The following GGPS1 variants were observed in gnomAD, a reference collection of about 807,000 sequenced individuals.
GGPS1 encodes geranylgeranyl diphosphate synthase 1.
Under a neutral mutation model 28.1 loss-of-function variants are expected in GGPS1, and 15 were observed. That is an observed-to-expected ratio of 0.53 (90% confidence interval 0.36 to 0.82). The LOEUF (loss-of-function observed/expected upper bound fraction) is 0.82, where lower values mean the gene tolerates loss of function less well. GGPS1 is among the 40% of genes least tolerant of loss of function. The probability of loss-of-function intolerance (pLI) is 0.01; values close to 1 mark genes in which losing one functional copy is unlikely to be tolerated. For synonymous variants in GGPS1, 138 were observed against 122.4 expected, an observed-to-expected ratio of 1.13 and a Z score of -0.84; for missense variants, 284 against 348.3, an observed-to-expected ratio of 0.82 and a Z score of 1.47.
At chr1:235,329,567 A>C (rs1399050956) in intron 1 of GGPS1, 1 of 152,350 alleles carries the variant, frequency 6.6e-6, no homozygotes, top group African/African-American at 2.4e-5. Flanking sequence ...AGAGAAAAGG[A>C]AAAGACATTC....
At position 235,342,693 on chromosome 1, in the gene GGPS1, T is replaced by C. The variant is rs1334981760; in HGVS notation, c.824T>C (p.Ile275Thr). Residue 275 changes from isoleucine (I) to threonine (T), a missense_variant, in exon 4 of 4, where the codon ATT (isoleucine) becomes ACT (threonine). By Grantham distance (89) the Ile-to-Thr change is moderately conservative. Coordinates refer to ENST00000282841, the MANE Select transcript of GGPS1 (RefSeq NM_004837.4). The stretch of plus-strand genomic sequence containing the variant: ...CTTGAAGCTAAAGCCTATAAACAGA[T>C]TGATGCACGTGGTGGGAACCCTGAG... ...KELEAKAYKQ[I>T]DARGGNPELV... The C allele has an allele frequency of 1.3e-5, 21 of 1,609,144 alleles. No homozygotes were observed. The highest frequency in any genetic ancestry group is 1.7e-5 in the Non-Finnish European group (20 of 1,176,042).
intron 2 of GGPS1, chr1:235,336,785 T>A (rs1306352079): frequency 1.3e-5 from 2 of 152,384 alleles, no homozygotes; most frequent in Non-Finnish European, 2.9e-5. Context: ...GTACACACCT[T>A]TCTTTATGAG....
At position 235,335,238 on chromosome 1, in the gene GGPS1, A is replaced by G; in HGVS notation, c.-23-4A>G. The G allele has an allele frequency of 4.2e-6, 5 of 1,198,508 alleles. No homozygotes were observed. The highest frequency in any genetic ancestry group is 6.1e-6 in the Non-Finnish European group (5 of 815,580). The allele number at this position is 1,198,508 out of a possible 1,614,324, so 74.2% of individuals were successfully genotyped here. ...GTGATCTTTATGTTTCTCCTTTTTG[A>G]CAGATTAGCTTTGAAGTTTAAATCC... On this transcript the variant is annotated splice_region_variant and splice_polypyrimidine_tract_variant and intron_variant, in intron 1 of 3. Coordinates refer to ENST00000282841, the MANE Select transcript of GGPS1 (RefSeq NM_004837.4).
intron 2 of GGPS1, chr1:235,336,964 A>G (rs1675887265): frequency 6.0e-6 from 1 of 167,106 alleles, no homozygotes; most frequent in South Asian, 1.8e-4. Flanking sequence ...CATGAGAAGA[A>G]TGAGGGAATG....
Position 235,342,395 on chromosome 1 carries a change from C to G in GGPS1, c.526C>G (p.Leu176Val). Residue 176 changes from leucine to valine, a missense_variant, in exon 4 of 4, where the codon CTA becomes GTA. Leu to Val is a conservative substitution (Grantham distance 32). Coordinates refer to ENST00000282841, the MANE Select transcript of GGPS1 (RefSeq NM_004837.4). ...FSDYKEDLKPLLNTLGLFFQI... is the reference protein window; with the variant it reads ...FSDYKEDLKPVLNTLGLFFQI... The stretch of plus-strand genomic sequence containing the variant: ...TGATTACAAAGAAGATTTAAAACCG[C>G]TACTTAATACACTTGGGCTCTTTTT... 1 of 1,614,012 alleles carries G rather than the reference C, an allele frequency of 6.2e-7. No individual in the cohort carries two copies. Among genetic ancestry groups the G allele is most frequent in the Non-Finnish European group, 8.5e-7 (1 of 1,179,876 alleles).
intron 2 of GGPS1, among the ~76,000 whole-genome samples, chr1:235,336,450 CAG>C (rs144864866): frequency 0.029 from 4,387 of 152,082 alleles, 223 homozygotes; most frequent in African/African-American, 0.098. Flanking sequence ...ATATAATAAA[CAG>C]GGGTTATTGT....
intron 1 of GGPS1, chr1:235,330,018 C>CT (rs1204949710): frequency 2.0e-5 from 3 of 152,164 alleles, no homozygotes; most frequent in Non-Finnish European, 4.4e-5. Flanking sequence ...TAAAAGGAAA[C>CT]TAGTAGAGTT....
upstream of GGPS1, chr1:235,327,994 C>T (rs1240438602): frequency 6.5e-6 from 1 of 152,684 alleles, no homozygotes; most frequent in Non-Finnish European, 1.5e-5. Flanking sequence ...CGAAAAATCC[C>T]CCCCGGACTG....
At chr1:235,333,170 C>T (rs1372788909) in intron 1 of GGPS1, among the ~76,000 whole-genome samples, 1 of 151,062 alleles carries the variant, frequency 6.6e-6, no homozygotes, top group Non-Finnish European at 1.5e-5. Context: ...ACCATGTAAG[C>T]AACCTATTTC....
chr1:235,339,809 C>G (rs1354374407), intron 2 of GGPS1, among the ~76,000 whole-genome samples: 1 of 151,364 alleles, frequency 6.6e-6, no homozygotes, highest in African/African-American at 2.4e-5. Flanking sequence ...TTTTATGTAA[C>G]CATTTTCCTG....
chr1:235,335,359 T>A (rs1458703319), intron 2 of GGPS1, 25 bp downstream of exon 2: 1 of 1,084,818 alleles, frequency 9.2e-7, no homozygotes, highest in Non-Finnish European at 1.4e-6. Context: ...ACAGTCCATA[T>A]AGGGTCATTT....
At chr1:235,338,445 G>GA (rs905000174) in intron 2 of GGPS1, among the ~76,000 whole-genome samples, 1 of 151,748 alleles carries the variant, frequency 6.6e-6, no homozygotes, top group African/African-American at 2.4e-5. Context: ...CATCAGAGGG[G>GA]AAAAAAATAT....
chr1:235,331,472 G>C (rs1053950195), intron 1 of GGPS1, among the ~76,000 whole-genome samples: 1 of 152,122 alleles, frequency 6.6e-6, no homozygotes, highest in Non-Finnish European at 1.5e-5. Flanking sequence ...ATATTTGTCT[G>C]CTTGGCATTA....
At chr1:235,337,483 G>C (rs1675905279) in intron 2 of GGPS1, among the ~76,000 whole-genome samples, 1 of 152,136 alleles carries the variant, frequency 6.6e-6, no homozygotes, top group African/African-American at 2.4e-5. Flanking sequence ...AAAGAAATAT[G>C]ACATTGCACT....
chr1:235,341,093 GC>G (rs1231165566), intron 2 of GGPS1, among the ~76,000 whole-genome samples: 1 of 152,172 alleles, frequency 6.6e-6, no homozygotes, highest in Non-Finnish European at 1.5e-5. Flanking sequence ...ACTTTGGGAG[GC>G]CGATGCGGGT....
intron 2 of GGPS1, among the ~76,000 whole-genome samples, chr1:235,339,015 A>T (rs1364050752): frequency 6.6e-6 from 1 of 151,696 alleles, no homozygotes; most frequent in Non-Finnish European, 1.5e-5. Flanking sequence ...AGTACAAAAA[A>T]TTGGCCGGGC....
intron 1 of GGPS1, among the ~76,000 whole-genome samples, chr1:235,333,957 C>G (rs552128994): frequency 6.6e-6 from 1 of 152,098 alleles, no homozygotes; most frequent in Admixed American, 6.6e-5. Context: ...AATATGAGGA[C>G]AAGTAATAAT....
chr1:235,342,958 G>T lies in GGPS1; in HGVS notation c.*186G>T. On this transcript the variant is annotated 3_prime_UTR_variant, in exon 4 of 4. Transcript: ENST00000282841. ...GTACAGATAATCAAAATTCAAAGTT[G>T]AAAGAATCAAAAGCAGCCACAGTTA... 2.3e-6 allele frequency: 1 copy of T among 439,692 alleles called. No individual in the cohort carries two copies. The highest frequency in any genetic ancestry group is 4.1e-6 in the Non-Finnish European group (1 of 240,986). 27.2% of individuals were successfully genotyped at this position (439,692 alleles called of 1,614,324 possible).
intron 2 of GGPS1, among the ~76,000 whole-genome samples, chr1:235,335,556 G>A (rs1002799515): frequency 2.0e-5 from 3 of 151,884 alleles, no homozygotes; most frequent in African/African-American, 7.3e-5. Flanking sequence ...CTACTTGGGA[G>A]GCTGAGGCAG....
Sources: allele counts gnomAD v4.1 joint callset (sites outside exome capture counted in the v4.1 genomes callset), GRCh38; gene constraint gnomAD v4.1.1; transcripts MANE v1.5; gene names NCBI Gene and HGNC (gene_info 2026-07-23, HGNC 2026-07-21).